The following PDE1C variants were observed in gnomAD, a reference collection of about 807,000 sequenced individuals.
PDE1C encodes dual specificity calcium/calmodulin-dependent 3',5'-cyclic nucleotide phosphodiesterase 1C.
In PDE1C, 62 loss-of-function variants were observed where a neutral mutation model predicts 93.1. The ratio of observed to expected loss-of-function variants is 0.67; its 90% confidence interval spans 0.54 to 0.82. PDE1C has a LOEUF of 0.82. PDE1C is among the 40% of genes least tolerant of loss of function. The pLI, the probability that PDE1C is intolerant of heterozygous loss-of-function variation, is 0.00. For missense variants in PDE1C, 742 were observed against 884.6 expected (o/e 0.84, Z 2.04); for synonymous variants, 325 against 310.1 (o/e 1.05, Z -0.50).
At chr7:31,779,407 G>C (rs1397641873) in intron 16 of PDE1C, among the ~76,000 whole-genome samples, 1 of 152,154 alleles carries the variant, frequency 6.6e-6, no homozygotes, top group Non-Finnish European at 1.5e-5. Flanking sequence ...AAAAATAACT[G>C]ACTATAATCT....
At chr7:31,714,020 T>G in the PDE1C span, among the ~76,000 whole-genome samples, 1 of 152,230 alleles carries the variant, frequency 6.6e-6, no homozygotes, top group Non-Finnish European at 1.5e-5. Flanking sequence ...GGCTCCTCAT[T>G]ACTTGTGTAA....
At chr7:32,389,111 A>C (rs1190400673) in intron 1 of PDE1C, among the ~76,000 whole-genome samples, 1 of 150,782 alleles carries the variant, frequency 6.6e-6, no homozygotes. Flanking sequence ...CAGCTAGATG[A>C]AAGGCAGGTT....
At chr7:31,823,524 A>T (rs1173161588) in intron 13 of PDE1C, among the ~76,000 whole-genome samples, 1 of 152,000 alleles carries the variant, frequency 6.6e-6, no homozygotes, top group Non-Finnish European at 1.5e-5. Flanking sequence ...CCATAACCAG[A>T]ATCCCCTCAT....
intron 11 of PDE1C, among the ~76,000 whole-genome samples, chr7:31,830,490 C>T (rs918877440): frequency 6.6e-6 from 1 of 152,102 alleles, no homozygotes; most frequent in African/African-American, 2.4e-5. Context: ...ACATAGTTGG[C>T]ACACAGAAGG....
chr7:31,690,507 A>G, the PDE1C span, among the ~76,000 whole-genome samples: 1 of 152,150 alleles, frequency 6.6e-6, no homozygotes, highest in Non-Finnish European at 1.5e-5. Context: ...GAGGGGGCAA[A>G]AATGATTCTA....
At chr7:31,987,264 G>C (rs770547644) in intron 2 of PDE1C, among the ~76,000 whole-genome samples, 1 of 152,162 alleles carries the variant, frequency 6.6e-6, no homozygotes, top group East Asian at 1.9e-4. Flanking sequence ...ACAAACAAAC[G>C]ATTCTTGAGG....
chr7:31,919,896 G>A lies in PDE1C; in HGVS notation c.129-39036C>T, dbSNP rs534267186. Among the ~76,000 whole-genome samples, 46 of 152,266 alleles carry A rather than the reference G, an allele frequency of 3.0e-4. No homozygotes were observed. The South Asian group carries it at 7.3e-3, about 24-fold the overall frequency. The stretch of plus-strand genomic sequence containing the variant: ...CCTCCACTTGGCAGGTGTAGGTTGC[G>A]TTTTCTGGCTCCTCTGAGCAGCCTC... On this transcript the variant is annotated intron_variant, in intron 2 of 17. Transcript: ENST00000396191.
intron 2 of PDE1C, among the ~76,000 whole-genome samples, chr7:32,046,899 A>G (rs1170324737): frequency 6.6e-6 from 1 of 152,124 alleles, no homozygotes. Flanking sequence ...CAACTCCTAA[A>G]CATTCTGACC....
intron 3 of PDE1C, among the ~76,000 whole-genome samples, chr7:32,093,850 G>T (rs1332298177): frequency 1.3e-5 from 2 of 152,228 alleles, no homozygotes; most frequent in African/African-American, 4.8e-5. Context: ...GTGCTGGCAA[G>T]GAGAGCTCTT....
At chr7:31,650,892 C>A in the PDE1C span, among the ~76,000 whole-genome samples, 1 of 152,296 alleles carries the variant, frequency 6.6e-6, no homozygotes, top group Admixed American at 6.5e-5. Context: ...TGCCTTCCAG[C>A]CTCTGGGACA....
At chr7:32,317,265 A>G (rs1276850276) in intron 1 of PDE1C, among the ~76,000 whole-genome samples, 4 of 152,034 alleles carry the variant, frequency 2.6e-5, no homozygotes, top group African/African-American at 9.7e-5. Context: ...GTTTTTTGGG[A>G]TCTATACCGT....
intron 3 of PDE1C, among the ~76,000 whole-genome samples, chr7:32,156,102 G>T (rs1801557109): frequency 6.6e-6 from 1 of 152,120 alleles, no homozygotes; most frequent in African/African-American, 2.4e-5. Flanking sequence ...CCAGATAAAA[G>T]ACATTGTTTT....
At chr7:31,853,460 A>T (rs1294566125) in intron 7 of PDE1C, among the ~76,000 whole-genome samples, 1 of 152,176 alleles carries the variant, frequency 6.6e-6, no homozygotes, top group Non-Finnish European at 1.5e-5. Flanking sequence ...AGCAAGTCCC[A>T]GCAGCAAAAG....
At chr7:32,052,207 A>G (rs370316785) in intron 1 of PDE1C, 56 of 439,632 alleles carry the variant, frequency 1.3e-4, no homozygotes, top group African/African-American at 9.7e-4. Flanking sequence ...GCAAATGTTG[A>G]GAACCAGCAT....
chr7:31,650,586 C>T, the PDE1C span, among the ~76,000 whole-genome samples: 1,735 of 152,284 alleles, frequency 0.011, 53 homozygotes, highest in African/African-American at 0.039. Flanking sequence ...TGCCTGCCTT[C>T]CTCAGGGTGG....
intron 1 of PDE1C, among the ~76,000 whole-genome samples, chr7:32,415,974 G>A (rs918045569): frequency 1.3e-5 from 2 of 152,204 alleles, no homozygotes; most frequent in African/African-American, 4.8e-5. Context: ...GTGTGACCAG[G>A]AGCACAGCAC....
chr7:32,225,541 T>C (rs954565027), intron 1 of PDE1C, among the ~76,000 whole-genome samples: 1 of 152,090 alleles, frequency 6.6e-6, no homozygotes, highest in African/African-American at 2.4e-5. Flanking sequence ...TAGGGGTTCT[T>C]GTGTTAGGTG....
At chr7:31,949,400 C>G (rs897251693) in intron 2 of PDE1C, among the ~76,000 whole-genome samples, 1 of 152,122 alleles carries the variant, frequency 6.6e-6, no homozygotes, top group South Asian at 2.1e-4. Flanking sequence ...GTGAAGGTTG[C>G]AGTGAGCCAA....
the PDE1C span, among the ~76,000 whole-genome samples, chr7:31,677,435 TA>T: frequency 6.6e-6 from 1 of 152,104 alleles, no homozygotes; most frequent in Non-Finnish European, 1.5e-5. Context: ...ATGGCAAAAT[TA>T]AAAAATACTG....
Sources: gnomAD v4.1 joint callset for allele counts (sites outside exome capture counted in the v4.1 genomes callset) on GRCh38, gnomAD v4.1.1 for gene constraint, MANE v1.5 for transcripts, NCBI Gene and HGNC (gene_info 2026-07-23, HGNC 2026-07-21) for gene names.